The following ACADSB variants were observed in gnomAD, a reference collection of about 807,000 sequenced individuals.
The protein encoded by ACADSB is acyl-CoA dehydrogenase short/branched chain, also known as short/branched chain specific acyl-CoA dehydrogenase, mitochondrial.
Under a neutral mutation model 54.1 loss-of-function variants are expected in ACADSB, and 40 were observed. The observed-to-expected ratio is 0.74, with a 90% CI of 0.57 to 0.96. The LOEUF (loss-of-function observed/expected upper bound fraction) is 0.96. ACADSB is among the 40% of genes least tolerant of loss of function. The pLI, the probability that ACADSB is intolerant of heterozygous loss-of-function variation, is 0.00. For missense variants in ACADSB, 530 were observed against 510.4 expected, an observed-to-expected ratio of 1.04 and a Z score of -0.37; for synonymous variants, 182 against 182.8, an observed-to-expected ratio of 1.00 and a Z score of 0.03.
rs886046800 is a variant in ACADSB at position 123,057,196 on chromosome 10, C to G, written c.*3431C>G. 4 of 152,210 alleles carry G rather than the reference C, an allele frequency of 2.6e-5. No individual in the cohort carries two copies. The East Asian group carries it at 5.8e-4, about 22-fold the overall frequency. The allele number at this position is 152,210 out of a possible 1,614,324, so 9.4% of individuals were successfully genotyped here. On this transcript the variant is annotated 3_prime_UTR_variant, in exon 11 of 11. Coordinates refer to ENST00000358776, the MANE Select transcript of ACADSB (RefSeq NM_001609.4). ...TAGAAACATGTGAAAGTACAATAAA[C>G]TTCTTGTTCAAATTACCAGCATCAG...
chr10:123,027,976 G>T (rs950869119), intron 1 of ACADSB, among the ~76,000 whole-genome samples: 5 of 152,154 alleles, frequency 3.3e-5, no homozygotes, highest in African/African-American at 1.2e-4. Context: ...TTAGATCCTT[G>T]ATCCTGCCAT....
rs753042061 is a variant in ACADSB, at chr10:123,034,385, T to A, written c.72T>A (p.Ser24=). The change falls in exon 2 of 11, where the codon TCT becomes TCA. Residue 24 remains serine (S), a synonymous_variant. Transcript: ENST00000358776. ...GAAGAAATTTCCTGACTTGTTTGTC[T>A]TCTTGGAAGATTCCTCCTCATGTCT... ...LLRRNFLTCL[S]SWKIPPHVSK... The A allele has an allele frequency of 6.2e-7, 1 of 1,613,902 alleles. No individual in the cohort carries two copies. Among genetic ancestry groups the A allele is most frequent in the Non-Finnish European group, 8.5e-7 (1 of 1,179,994 alleles).
intron 3 of ACADSB, among the ~76,000 whole-genome samples, chr10:123,038,092 C>G (rs1357378228): frequency 6.6e-6 from 1 of 152,002 alleles, no homozygotes; most frequent in East Asian, 1.9e-4. Flanking sequence ...ATCTTTAGAC[C>G]AGCGGTTCTC....
At chr10:123,043,750 C>G (rs1269118022) in intron 6 of ACADSB, among the ~76,000 whole-genome samples, 2 of 152,160 alleles carry the variant, frequency 1.3e-5, no homozygotes, top group Non-Finnish European at 2.9e-5. Flanking sequence ...TTACTTCACC[C>G]CAACTGTTTT....
intron 8 of ACADSB, among the ~76,000 whole-genome samples, chr10:123,050,038 G>A (rs1055995122): frequency 5.3e-5 from 8 of 152,134 alleles, no homozygotes; most frequent in African/African-American, 1.2e-4. Flanking sequence ...CTACATATAC[G>A]GAACATCGTC....
intron 7 of ACADSB, among the ~76,000 whole-genome samples, chr10:123,045,955 G>A (rs1380405827): frequency 1.1e-4 from 16 of 152,202 alleles, no homozygotes; most frequent in Non-Finnish European, 2.9e-5. Flanking sequence ...ATCTGTCCTC[G>A]AAACCTTGCA....
In ACADSB at chr10:123,040,612, T is replaced by G. The variant is rs1227946075; in HGVS notation, c.450T>G (p.Ile150Met). The change falls in exon 4 of 11, where the codon ATT (isoleucine) becomes ATG (methionine). Residue 150 changes from isoleucine to methionine, a missense_variant. Coordinates refer to ENST00000358776, the MANE Select transcript of ACADSB (RefSeq NM_001609.4). Reference protein sequence around the residue: ...EIQNTLINTLIRKHGTEEQKA... With the variant: ...EIQNTLINTLMRKHGTEEQKA... The stretch of plus-strand genomic sequence containing the variant: ...AGAACACATTAATTAACACACTGAT[T>G]AGAAAACATGGAACAGAAGAACAAA... 6.2e-7 allele frequency: 1 copy of G among 1,614,118 alleles called. No homozygotes were observed. Among genetic ancestry groups the G allele is most frequent in the South Asian group, 1.1e-5 (1 of 91,084 alleles).
In ACADSB at chr10:123,034,241, G is replaced by A. The variant is rs559964045; in HGVS notation, c.43-115G>A. On this transcript the variant is annotated intron_variant, in intron 1 of 10. Transcript: ENST00000358776. ...TTTAAAAGACTGAATTTAAAAATGCGCTAGGTTAAGTTTCCTTATTTTGGT... is the reference window on the plus strand; with the variant it reads ...TTTAAAAGACTGAATTTAAAAATGCACTAGGTTAAGTTTCCTTATTTTGGT... 1.0e-4 allele frequency: 110 copies of A among 1,073,498 alleles called. No homozygotes were observed. In the African/African-American group the frequency reaches 1.3e-3, roughly 13 times the overall value. 66.5% of individuals were successfully genotyped at this position (1,073,498 alleles called of 1,614,324 possible).
intron 2 of ACADSB, among the ~76,000 whole-genome samples, chr10:123,035,636 G>C (rs969973444): frequency 1.3e-5 from 2 of 152,194 alleles, no homozygotes; most frequent in Admixed American, 6.5e-5. Flanking sequence ...CAGTGTGTCA[G>C]TTGGGCTGTG....
rs1850726334 is a variant in ACADSB, at chr10:123,057,727, A to G, written c.*3962A>G. ...AAATCATGGAAAGTTAAAATCTAGA[A>G]AGACCTTAGAGAACCAGCCAACCAA... On this transcript the variant is annotated 3_prime_UTR_variant, in exon 11 of 11. Coordinates refer to ENST00000358776, the MANE Select transcript of ACADSB (RefSeq NM_001609.4). 1 of 152,246 alleles carries G rather than the reference A, an allele frequency of 6.6e-6. No individual in the cohort carries two copies. The highest frequency in any genetic ancestry group is 2.1e-4 in the South Asian group (1 of 4,830). 9.4% of individuals were successfully genotyped at this position (152,246 alleles called of 1,614,324 possible).
intron 1 of ACADSB, among the ~76,000 whole-genome samples, chr10:123,011,882 C>T (rs1270157973): frequency 6.7e-6 from 1 of 149,030 alleles, no homozygotes; most frequent in Non-Finnish European, 1.5e-5. Context: ...GACAAGTTTT[C>T]ACTCTCTTGC....
intron 1 of ACADSB, among the ~76,000 whole-genome samples, chr10:123,018,204 ATCCTATC>A (rs1850133414): frequency 6.6e-6 from 1 of 152,062 alleles, no homozygotes; most frequent in African/African-American, 2.4e-5. Context: ...CTCCATAATA[ATCCTATC>A]TTTTAAAATT....
At position 123,040,536 on chromosome 10, in the gene ACADSB, T is replaced by TA. The variant is rs756587384; in HGVS notation, c.375dup (p.Glu126ArgfsTer7). 6.1e-5 allele frequency: 99 copies of TA among 1,613,992 alleles called. No homozygotes were observed. The African/African-American group carries it at 1.2e-3, about 20-fold the overall frequency. On this transcript the variant is annotated frameshift_variant, in exon 4 of 11. Transcript: ENST00000358776. LOFTEE classifies it high-confidence loss of function. ...TCATTTTTATCCACTGTGCTCGTGATAGAGGAATTAGCCAAAGTTGATGCA... is the reference window on the plus strand; with the variant it reads ...TCATTTTTATCCACTGTGCTCGTGATAAGAGGAATTAGCCAAAGTTGATGCA...
intron 1 of ACADSB, among the ~76,000 whole-genome samples, chr10:123,010,746 A>G (rs1850020154): frequency 6.6e-6 from 1 of 152,266 alleles, no homozygotes; most frequent in Admixed American, 6.5e-5. Flanking sequence ...TCTTACTGCC[A>G]TGCACGAAGC....
chr10:123,037,929 T>A (rs1850421325), intron 3 of ACADSB, 82 bp downstream of exon 3: 1 of 1,016,238 alleles, frequency 9.8e-7, no homozygotes, highest in Non-Finnish European at 1.5e-6. Flanking sequence ...ACCCTGCATT[T>A]CCCAGTCAAA....
At chr10:123,033,739 A>G (rs536064141) in intron 1 of ACADSB, among the ~76,000 whole-genome samples, 9 of 152,346 alleles carry the variant, frequency 5.9e-5, no homozygotes, top group Admixed American at 3.9e-4. Flanking sequence ...GTTAAAAATC[A>G]CTTGCCCAAG....
intron 1 of ACADSB, among the ~76,000 whole-genome samples, chr10:123,014,278 G>C (rs893567631): frequency 6.6e-6 from 1 of 152,190 alleles, no homozygotes; most frequent in Non-Finnish European, 1.5e-5. Flanking sequence ...TAAGTACTTA[G>C]AGCAGCTGAC....
At chr10:123,030,542 A>G (rs1416787848) in intron 1 of ACADSB, among the ~76,000 whole-genome samples, 1 of 151,320 alleles carries the variant, frequency 6.6e-6, no homozygotes, top group Non-Finnish European at 1.5e-5. Flanking sequence ...AAAAAAAAAA[A>G]AGAAAAGAAA....
chr10:123,019,748 G>A (rs141271700), intron 1 of ACADSB, among the ~76,000 whole-genome samples: 259 of 152,306 alleles, frequency 1.7e-3, no homozygotes, highest in Non-Finnish European at 2.6e-3. Context: ...GGACTGTGCA[G>A]TTCTATCACA....
Sources: gnomAD v4.1 joint callset for allele counts (sites outside exome capture counted in the v4.1 genomes callset) on GRCh38, gnomAD v4.1.1 for gene constraint, MANE v1.5 for transcripts, NCBI Gene and HGNC (gene_info 2026-07-23, HGNC 2026-07-21) for gene names.